The following EDNRA variants were observed in gnomAD, a reference collection of about 807,000 sequenced individuals.
EDNRA encodes endothelin-1 receptor.
In EDNRA, 11 loss-of-function variants were observed where a neutral mutation model predicts 41.4. The observed-to-expected ratio is 0.27, with a 90% confidence interval of 0.17 to 0.44. EDNRA has a LOEUF of 0.44. Among genes scored for constraint, EDNRA ranks in the 20% least tolerant of loss-of-function variants. EDNRA has a pLI of 1.00. For missense variants in EDNRA, 294 were observed against 531.0 expected, an observed-to-expected ratio of 0.55 and a Z score of 4.39; for synonymous variants, 172 against 183.0, an observed-to-expected ratio of 0.94 and a Z score of 0.49.
chr4:147,519,976 C>G lies in EDNRA; in HGVS notation c.546C>G (p.Asp182Glu). Reference protein sequence around the residue: ...TVLNLCALSVDRYRAVASWSR... With the variant: ...TVLNLCALSVERYRAVASWSR... ...TCAACCTCTGCGCTCTTAGTGTTGA[C>G]AGGTAATGTGGTTCTTTCCCTTTGC... Residue 182 changes from aspartate (D) to glutamate (E), a missense_variant and splice_region_variant, in exon 3 of 8, where the codon GAC becomes GAG. By Grantham distance (45) the Asp-to-Glu change is conservative (BLOSUM62 2). Around this residue, in one of 3 missense-constraint regions of EDNRA, gnomAD observed 185 missense variants for 390.8 expected, o/e 0.47. Coordinates refer to ENST00000651419, the MANE Select transcript of EDNRA (RefSeq NM_001957.4). This position sits in a 1 kb window ranked among gnomAD's most constrained non-coding sequence, Gnocchi z 4.1. The G allele has an allele frequency of 6.2e-7, 1 of 1,608,770 alleles. No homozygotes were observed. The highest frequency in any genetic ancestry group is 8.5e-7 in the Non-Finnish European group (1 of 1,177,398).
intron 4 of EDNRA, among the ~76,000 whole-genome samples, chr4:147,533,937 A>AT (rs1578813808): frequency 6.6e-6 from 1 of 152,096 alleles, no homozygotes; most frequent in African/African-American, 2.4e-5. Context: ...TGAACAGATA[A>AT]TTTTTTAGAG....
intron 2 of EDNRA, chr4:147,490,165 ACACACACACAC>A (rs1474233889): frequency 2.6e-5 from 4 of 151,908 alleles, no homozygotes; most frequent in African/African-American, 9.7e-5. Context: ...ACACACACAC[ACACACACACAC>A]ACACACACAC....
At chr4:147,490,602 A>G (rs913944476) in intron 2 of EDNRA, 1 of 152,242 alleles carries the variant, frequency 6.6e-6, no homozygotes, top group African/African-American at 2.4e-5. Context: ...GAATGGCAAA[A>G]TAGTTAAAAC....
intron 2 of EDNRA, among the ~76,000 whole-genome samples, chr4:147,508,602 C>T (rs1486431882): frequency 6.6e-6 from 1 of 152,170 alleles, no homozygotes; most frequent in African/African-American, 2.4e-5. Flanking sequence ...CTCTTACATT[C>T]AGTTCTGTAA....
intron 3 of EDNRA, among the ~76,000 whole-genome samples, chr4:147,528,430 T>C (rs768601540): frequency 1.3e-5 from 2 of 150,454 alleles, no homozygotes; most frequent in Non-Finnish European, 3.0e-5. Flanking sequence ...TGATCAGGGA[T>C]CGCTGCAGGC....
intron 2 of EDNRA, chr4:147,491,994 T>G (rs927124812): frequency 2.6e-5 from 4 of 152,290 alleles, no homozygotes; most frequent in Non-Finnish European, 5.9e-5. Flanking sequence ...TCTATCTATC[T>G]GAGTCCTTCT....
intron 2 of EDNRA, among the ~76,000 whole-genome samples, chr4:147,501,694 A>G (rs1729521928): frequency 6.6e-6 from 1 of 152,240 alleles, no homozygotes; most frequent in Non-Finnish European, 1.5e-5. Flanking sequence ...TCTGAATATC[A>G]ATATATGAAA....
rs1431552717 is a variant in EDNRA at position 147,519,984 on chromosome 4, GTGGT to G, written c.548+8_548+11del. 5 of 1,605,728 alleles carry G rather than the reference GTGGT, an allele frequency of 3.1e-6. No individual in the cohort carries two copies. The Admixed American group carries it at 6.8e-5, about 22-fold the overall frequency. ...TGCGCTCTTAGTGTTGACAGGTAAT[GTGGT>G]TCTTTCCCTTTGCTCTTTGGCTGGG... is the stretch of plus-strand genomic sequence containing the variant. On this transcript the variant is annotated splice_region_variant and intron_variant, in intron 3 of 7. Transcript: ENST00000651419. The surrounding 1 kb of genome is among the most constrained non-coding windows in gnomAD (Gnocchi z 4.1).
At chr4:147,495,113 A>G (rs1578779499) in intron 2 of EDNRA, 1 of 152,314 alleles carries the variant, frequency 6.6e-6, no homozygotes, top group East Asian at 1.9e-4. Flanking sequence ...AATCTATGAC[A>G]TGCTACTGTT....
intron 2 of EDNRA, among the ~76,000 whole-genome samples, chr4:147,507,943 T>C (rs1268835557): frequency 6.6e-6 from 1 of 152,246 alleles, no homozygotes; most frequent in Non-Finnish European, 1.5e-5. Context: ...CTTATGTATC[T>C]GCTTTGGTGA....
At chr4:147,521,962 TACA>T (rs1490267539) in intron 3 of EDNRA, among the ~76,000 whole-genome samples, 1 of 152,180 alleles carries the variant, frequency 6.6e-6, no homozygotes, top group Admixed American at 6.5e-5. Flanking sequence ...GCTATAAAGC[TACA>T]ATGTTTTAAA....
In EDNRA at chr4:147,542,547, A is replaced by G. The variant is rs1368512467; in HGVS notation, c.1213A>G (p.Ile405Val). The part of the protein sequence containing the change: ...MTSVPMNGTS[I>V]QWKNHDQNNH... ...CTCGGTCCCCATGAACGGAACAAGC[A>G]TCCAGTGGAAGAACCACGATCAAAA... is the stretch of plus-strand genomic sequence containing the variant. The change falls in exon 8 of 8, where the codon ATC becomes GTC. Residue 405 changes from isoleucine to valine, a missense_variant. This residue lies in a region of EDNRA where 185 missense variants were observed against 390.8 expected (regional missense o/e 0.47). Transcript: ENST00000651419. The G allele has an allele frequency of 4.3e-6, 7 of 1,614,072 alleles. No homozygotes were observed. The Admixed American group carries it at 1.0e-4, about 23-fold the overall frequency.
intron 2 of EDNRA, among the ~76,000 whole-genome samples, chr4:147,511,581 A>C (rs561742323): frequency 6.6e-6 from 1 of 152,354 alleles, no homozygotes; most frequent in Admixed American, 6.5e-5. Context: ...TCATTAAATC[A>C]GCTGCATACT....
At chr4:147,506,254 C>A in intron 2 of EDNRA, 1 of 497,120 alleles carries the variant, frequency 2.0e-6, no homozygotes, top group Non-Finnish European at 4.0e-6. Context: ...TCAGTCAGTG[C>A]TCATAAAGAA....
chr4:147,530,374 C>A (rs567863890), intron 3 of EDNRA, among the ~76,000 whole-genome samples: 77 of 152,088 alleles, frequency 5.1e-4, no homozygotes, highest in African/African-American at 1.7e-3. Context: ...AACAAGGGAA[C>A]AAAGAAAAAT....
At position 147,542,493 on chromosome 4, in the gene EDNRA, T is replaced by A; in HGVS notation, c.1159T>A (p.Cys387Ser). ...CTTCCCCCAGTCATGCCTCTGCTGCTGCTGTTACCAGTCCAAAAGTCTGAT... is the reference window on the plus strand; with the variant it reads ...CTTCCCCCAGTCATGCCTCTGCTGCAGCTGTTACCAGTCCAAAAGTCTGAT... ...KNCFQSCLCCCCYQSKSLMTS... is the reference protein window; with the variant it reads ...KNCFQSCLCCSCYQSKSLMTS... Residue 387 changes from cysteine to serine, a missense_variant, in exon 8 of 8, where the codon TGC (cysteine) becomes AGC (serine). Physicochemically the swap from Cys to Ser is moderately radical, Grantham distance 112 (BLOSUM62 -1). Transcript: ENST00000651419. The A allele has an allele frequency of 6.2e-7, 1 of 1,614,186 alleles. No individual in the cohort carries two copies. The highest frequency in any genetic ancestry group is 8.5e-7 in the Non-Finnish European group (1 of 1,180,024).
At chr4:147,506,580 C>A in intron 2 of EDNRA, 1 of 281,990 alleles carries the variant, frequency 3.5e-6, no homozygotes, top group Non-Finnish European at 7.2e-6. Flanking sequence ...TTCAGACATG[C>A]TATTTTCAGC....
intron 3 of EDNRA, among the ~76,000 whole-genome samples, chr4:147,527,076 TA>T (rs1233450179): frequency 1.1e-4 from 16 of 152,338 alleles, no homozygotes; most frequent in African/African-American, 3.4e-4. Context: ...GAGGTAAAGA[TA>T]GGGGCGGCAC....
chr4:147,501,544 T>C (rs977758881), intron 2 of EDNRA, among the ~76,000 whole-genome samples: 5 of 152,208 alleles, frequency 3.3e-5, no homozygotes, highest in African/African-American at 1.2e-4. Flanking sequence ...GAATCACCTT[T>C]AAAAGATTCT....
Sources: allele counts gnomAD v4.1 joint callset (sites outside exome capture counted in the v4.1 genomes callset), GRCh38; gene constraint gnomAD v4.1.1; regional missense constraint gnomAD v4.1.1; non-coding constraint Gnocchi (gnomAD v3.1); transcripts MANE v1.5; gene names NCBI Gene and HGNC (gene_info 2026-07-23, HGNC 2026-07-21).